The following GRIP1 variants were observed in gnomAD, a reference collection of about 807,000 sequenced individuals.
GRIP1 encodes the protein glutamate receptor interacting protein 1, also known as glutamate receptor-interacting protein 1.
A neutral mutation model predicts 129.9 loss-of-function variants in GRIP1; 45 were observed. That is an observed-to-expected ratio of 0.35 (90% CI 0.27 to 0.44). GRIP1 has a LOEUF of 0.44. GRIP1 is among the 20% of genes least tolerant of loss of function. The probability of loss-of-function intolerance (pLI) is 1.00; values close to 1 mark genes in which losing one functional copy is unlikely to be tolerated. For missense variants in GRIP1, 1,196 were observed against 1,396.8 expected (o/e 0.86, Z 2.29); for synonymous variants, 530 against 520.8 (o/e 1.02, Z -0.24).
At chr12:66,900,762 A>C (rs1214984535) in intron 1 of GRIP1, among the ~76,000 whole-genome samples, 1 of 152,168 alleles carries the variant, frequency 6.6e-6, no homozygotes, top group African/African-American at 2.4e-5. Context: ...AAGGACTTCT[A>C]CCTAATCTCA....
At chr12:66,729,484 A>C (rs137875782) in intron 1 of GRIP1, among the ~76,000 whole-genome samples, 2 of 152,340 alleles carry the variant, frequency 1.3e-5, no homozygotes, top group East Asian at 3.9e-4. Context: ...AGGAAGGACT[A>C]TTATATCTTC....
chr12:66,860,556 G>T (rs2040094083), intron 1 of GRIP1, among the ~76,000 whole-genome samples: 1 of 151,994 alleles, frequency 6.6e-6, no homozygotes, highest in African/African-American at 2.4e-5. Context: ...TTTGTAACAT[G>T]CTGCCCATTC....
At chr12:66,796,073 C>G (rs1456066273) in intron 1 of GRIP1, among the ~76,000 whole-genome samples, 1 of 151,594 alleles carries the variant, frequency 6.6e-6, no homozygotes, top group Admixed American at 6.6e-5. Flanking sequence ...CTTTTCATAC[C>G]CCCAAATCAC....
exon 1 of GRIP1, chr12:67,069,057 C>T: frequency 1.0e-6 from 1 of 984,380 alleles, no homozygotes; most frequent in Non-Finnish European, 1.2e-6. Flanking sequence ...CACCTCTCTC[C>T]TGCTCCTCTG....
At chr12:66,867,281 G>A (rs1445694415) in intron 1 of GRIP1, among the ~76,000 whole-genome samples, 2 of 152,100 alleles carry the variant, frequency 1.3e-5, no homozygotes, top group African/African-American at 2.4e-5. Flanking sequence ...GAGCCATAGT[G>A]CCCAATCTCA....
chr12:66,906,143 G>T (rs1402005077), intron 1 of GRIP1, among the ~76,000 whole-genome samples: 1 of 152,180 alleles, frequency 6.6e-6, no homozygotes, highest in African/African-American at 2.4e-5. Context: ...CTGGTGCAAT[G>T]GCTCATACCT....
At chr12:66,500,005 A>G (rs970622341) in intron 7 of GRIP1, among the ~76,000 whole-genome samples, 1 of 152,204 alleles carries the variant, frequency 6.6e-6, no homozygotes, top group African/African-American at 2.4e-5. Context: ...TCTTATCTCA[A>G]AAAACAAACA....
intron 1 of GRIP1, among the ~76,000 whole-genome samples, chr12:66,802,612 T>G (rs1289232836): frequency 2.0e-5 from 3 of 152,182 alleles, no homozygotes; most frequent in African/African-American, 7.2e-5. Context: ...ATTGTTCAAT[T>G]CTGTTTCTAC....
At chr12:66,848,675 C>A (rs750302732) in intron 1 of GRIP1, among the ~76,000 whole-genome samples, 3 of 152,154 alleles carry the variant, frequency 2.0e-5, no homozygotes, top group Non-Finnish European at 2.9e-5. Flanking sequence ...TAATTCACTG[C>A]ATTCTCAAAT....
At chr12:66,987,931 G>A (rs1010821039) in intron 1 of GRIP1, among the ~76,000 whole-genome samples, 2 of 152,148 alleles carry the variant, frequency 1.3e-5, no homozygotes, top group African/African-American at 4.8e-5. Context: ...CCCTTCCTTT[G>A]TGCCCTCAGT....
chr12:66,748,071 T>C (rs973881512), intron 1 of GRIP1, among the ~76,000 whole-genome samples: 2 of 151,834 alleles, frequency 1.3e-5, no homozygotes, highest in African/African-American at 4.8e-5. Flanking sequence ...CAGGCTGGAG[T>C]GTAGTGGCAC....
intron 1 of GRIP1, among the ~76,000 whole-genome samples, chr12:66,962,001 G>C (rs1444901159): frequency 2.0e-5 from 3 of 152,008 alleles, no homozygotes; most frequent in African/African-American, 4.8e-5. Flanking sequence ...TTTTGAATCA[G>C]AAAGGTGATC....
At chr12:66,921,323 G>C (rs1017232178) in intron 1 of GRIP1, among the ~76,000 whole-genome samples, 9 of 152,180 alleles carry the variant, frequency 5.9e-5, no homozygotes, top group African/African-American at 2.2e-4. Context: ...AAATACACAG[G>C]AAAGGGACTG....
At chr12:66,684,424 A>G (rs1278945585) in intron 1 of GRIP1, among the ~76,000 whole-genome samples, 1 of 152,110 alleles carries the variant, frequency 6.6e-6, no homozygotes, top group Non-Finnish European at 1.5e-5. Flanking sequence ...GAATTCCCCC[A>G]AGCTCTGTCA....
intron 1 of GRIP1, among the ~76,000 whole-genome samples, chr12:67,038,780 T>A (rs1254372097): frequency 1.3e-5 from 2 of 152,162 alleles, no homozygotes; most frequent in African/African-American, 4.8e-5. Context: ...AAAGGGAATT[T>A]TTCCCCTCAT....
chr12:67,064,934 G>T (rs369824438), intron 1 of GRIP1: 1 of 124,410 alleles, frequency 8.0e-6, no homozygotes, highest in Non-Finnish European at 1.6e-5. Context: ...CCCAGAGTGT[G>T]ATGTTCCCCT....
In GRIP1 at chr12:66,857,294, T is replaced by C. The variant is rs1010064393; in HGVS notation, c.58+211756A>G. Among the ~76,000 whole-genome samples the C allele has an allele frequency of 5.3e-5, 8 of 152,078 alleles. No homozygotes were observed. The East Asian group carries it at 9.7e-4, about 18-fold the overall frequency. On this transcript the variant is annotated intron_variant, in intron 1 of 1. Coordinates refer to the GRIP1 transcript ENST00000643019. ...TGTTAAATGACGACTATGGTATACA[T>C]ATGTAACAAACCTGCACGTTGTGCA...
At chr12:66,838,609 G>A (rs908240149) in intron 1 of GRIP1, among the ~76,000 whole-genome samples, 2 of 152,312 alleles carry the variant, frequency 1.3e-5, no homozygotes, top group African/African-American at 4.8e-5. Context: ...TTTGGGATCA[G>A]TGACTGGGTT....
Position 66,669,221 on chromosome 12 carries a change from G to A in GRIP1, c.55+9629C>T, listed in dbSNP as rs77803553. 2.6e-3 allele frequency among the ~76,000 whole-genome samples: 400 copies of A among 151,892 alleles called. 9 individuals are homozygous for A. Among genetic ancestry groups the A allele is most frequent in the Admixed American group, 0.015 (236 of 15,252 alleles). On this transcript the variant is annotated intron_variant, in intron 1 of 24. Coordinates refer to ENST00000359742, the MANE Select transcript of GRIP1 (RefSeq NM_001366722.1). Reference sequence around the variant, plus strand: ...TGGGGTCAGGAGTTTGAGACCAGCCGGGCCAAAATACAACAAATTAGCCAG... The same window carrying A: ...TGGGGTCAGGAGTTTGAGACCAGCCAGGCCAAAATACAACAAATTAGCCAG...
Sources: gnomAD v4.1 joint callset for allele counts (sites outside exome capture counted in the v4.1 genomes callset) on GRCh38, gnomAD v4.1.1 for gene constraint, MANE v1.5 for transcripts, NCBI Gene and HGNC (gene_info 2026-07-23, HGNC 2026-07-21) for gene names.